FLNB: variants seen among roughly 807,000 people sequenced by gnomAD.
FLNB encodes the protein filamin-B.
A neutral mutation model predicts 250.6 loss-of-function variants in FLNB; 111 were observed. That is an observed-to-expected ratio of 0.44 (90% CI 0.38 to 0.52). The LOEUF is 0.52. Among genes scored for constraint, FLNB ranks in the 20% least tolerant of loss-of-function variants. The pLI, the probability that FLNB is intolerant of heterozygous loss-of-function variation, is 0.00. For synonymous variants in FLNB, 1,302 were observed against 1,372.1 expected (o/e 0.95, Z 1.13); for missense variants, 2,869 against 3,447.8 (o/e 0.83, Z 4.20).
intron 16 of FLNB, 97 bp downstream of exon 16, chr3:58,110,267 G>T (rs1021837436): frequency 7.6e-5 from 99 of 1,297,150 alleles, no homozygotes; most frequent in Non-Finnish European, 1.1e-4. Context: ...TGTTTTGTTA[G>T]TATTATTATT....
At chr3:58,013,800 G>A (rs2097102228) in intron 1 of FLNB, among the ~76,000 whole-genome samples, 1 of 152,218 alleles carries the variant, frequency 6.6e-6, no homozygotes, top group Non-Finnish European at 1.5e-5. Flanking sequence ...TCCAGCTTGG[G>A]CAACAGGAGC....
intron 28 of FLNB, among the ~76,000 whole-genome samples, chr3:58,137,546 C>T (rs2097318485): frequency 1.3e-5 from 2 of 152,218 alleles, no homozygotes; most frequent in African/African-American, 2.4e-5. Flanking sequence ...CTGTTCTTGC[C>T]ACCCTCCCTA....
In FLNB at chr3:58,028,155, G is replaced by T. The variant is rs185429337; in HGVS notation, c.292+19299G>T. Among the ~76,000 whole-genome samples the T allele has an allele frequency of 2.6e-5, 4 of 152,248 alleles. No homozygotes were observed. The East Asian group carries it at 7.7e-4, about 29-fold the overall frequency. ...TAGTAATGTATAGATGCTTTGTTTG[G>T]ATACTTATGCAGCCATTACCATGTG... is the stretch of plus-strand genomic sequence containing the variant. On this transcript the variant is annotated intron_variant, in intron 1 of 45. Transcript: ENST00000295956.
chr3:58,079,809 C>T (rs913320057), intron 3 of FLNB, among the ~76,000 whole-genome samples: 3 of 152,132 alleles, frequency 2.0e-5, no homozygotes, highest in African/African-American at 7.2e-5. Context: ...CAAAGGCTAG[C>T]CAGGGAAGAT....
chr3:58,118,931 T>A lies in FLNB; in HGVS notation c.2805T>A (p.Thr935=), dbSNP rs1262988625. 7 of 1,614,012 alleles carry A rather than the reference T, an allele frequency of 4.3e-6. No homozygotes were observed. The highest frequency in any genetic ancestry group is 5.1e-6 in the Non-Finnish European group (6 of 1,180,006). Reference sequence around the variant, plus strand: ...ATCCCATCCCTAAAAGCCCTTTCACTGTGGGTGTTGCTGCACCGCTGGATC... The same window carrying A: ...ATCCCATCCCTAAAAGCCCTTTCACAGTGGGTGTTGCTGCACCGCTGGATC... The part of the protein sequence containing the change: ...GGDPIPKSPF[T]VGVAAPLDLS... Residue 935 remains threonine (T), a synonymous_variant, in exon 19 of 46, where the codon ACT becomes ACA. Coordinates refer to ENST00000295956, the MANE Select transcript of FLNB (RefSeq NM_001457.4).
At chr3:58,020,051 GT>G (rs2097111477) in intron 1 of FLNB, among the ~76,000 whole-genome samples, 56 of 31,114 alleles carry the variant, frequency 1.8e-3, no homozygotes, top group African/African-American at 7.8e-3. Flanking sequence ...CCACAGGGGT[GT>G]GTGTGTGTGT....
chr3:58,061,960 G>A (rs1421454631), intron 1 of FLNB, among the ~76,000 whole-genome samples: 1 of 151,552 alleles, frequency 6.6e-6, no homozygotes, highest in East Asian at 1.9e-4. Context: ...GCATGATGGG[G>A]GGCGCCTGTA....
chr3:58,167,624 TAGGGGATCTG>T (rs897859359), intron 43 of FLNB, among the ~76,000 whole-genome samples: 1 of 152,174 alleles, frequency 6.6e-6, no homozygotes, highest in Non-Finnish European at 1.5e-5. Context: ...GGGCTGCAGT[TAGGGGATCTG>T]AGGCAGCTCC....
At chr3:58,138,621 C>T (rs1225376593) in intron 29 of FLNB, 92 bp downstream of exon 29, 7 of 1,525,060 alleles carry the variant, frequency 4.6e-6, no homozygotes, top group East Asian at 2.2e-5. Context: ...ATCCTCTTCA[C>T]CTTTTTTTTC....
intron 1 of FLNB, among the ~76,000 whole-genome samples, chr3:58,026,921 C>T (rs953709902): frequency 1.3e-5 from 2 of 152,126 alleles, no homozygotes; most frequent in African/African-American, 2.4e-5. Flanking sequence ...GGAAGAAATT[C>T]GTCAGCCTGG....
chr3:58,060,394 C>T (rs561453110), intron 1 of FLNB, among the ~76,000 whole-genome samples: 43 of 146,670 alleles, frequency 2.9e-4, no homozygotes, highest in African/African-American at 1.1e-3. Context: ...CGCTCTGTTG[C>T]CCAGACTGGA....
intron 32 of FLNB, 25 bp downstream of exon 32, chr3:58,143,638 A>G (rs754258562): frequency 1.2e-6 from 2 of 1,613,168 alleles, no homozygotes; most frequent in Non-Finnish European, 1.7e-6. Context: ...CAGGCCCAGC[A>G]GGGCTCCACC....
Position 58,156,049 on chromosome 3 carries a change from C to A in FLNB, c.6862C>A (p.Arg2288Ser). ...VPVIAPSDDA[R>S]RLTVMSLQES... is the part of the protein sequence containing the mutation. The stretch of plus-strand genomic sequence containing the variant: ...GGTCATCGCACCCTCCGACGACGCC[C>A]GCCGCCTCACTGTTATGAGCCTTCA... The change falls in exon 41 of 46, where the codon CGC (arginine) becomes AGC (serine). Residue 2288 changes from arginine to serine, a missense_variant. Physicochemically the swap from Arg to Ser is moderately radical, Grantham distance 110 (BLOSUM62 -1). Around this residue, in one of 5 missense-constraint regions of FLNB, gnomAD observed 1,084 missense variants for 1,315.5 expected, o/e 0.82. Coordinates refer to ENST00000295956, the MANE Select transcript of FLNB (RefSeq NM_001457.4). 1 of 1,614,048 alleles carries A rather than the reference C, an allele frequency of 6.2e-7. No individual in the cohort carries two copies.
At chr3:58,028,574 T>C (rs760110417) in intron 1 of FLNB, among the ~76,000 whole-genome samples, 2 of 150,770 alleles carry the variant, frequency 1.3e-5, no homozygotes, top group South Asian at 2.1e-4. Flanking sequence ...CTGGGCAACA[T>C]GGGAGACCTT....
chr3:58,110,097 A>T lies in FLNB; in HGVS notation c.2411A>T (p.Asn804Ile). 6.2e-7 allele frequency: 1 copy of T among 1,614,202 alleles called. No homozygotes were observed. The highest frequency in any genetic ancestry group is 1.1e-5 in the South Asian group (1 of 91,084). The change falls in exon 16 of 46, where the codon AAT (asparagine) becomes ATT (isoleucine). Residue 804 changes from asparagine (N) to isoleucine (I), a missense_variant. By Grantham distance (149) the Asn-to-Ile change is moderately radical. Around this residue, in one of 5 missense-constraint regions of FLNB, gnomAD observed 1,348 missense variants for 1,466.7 expected, o/e 0.92. Coordinates refer to ENST00000295956, the MANE Select transcript of FLNB (RefSeq NM_001457.4). ...GATTTTGACATTATTCACAATGCCAATGATACGTTCACAGTCAAATATGTG... is the reference window on the plus strand; with the variant it reads ...GATTTTGACATTATTCACAATGCCATTGATACGTTCACAGTCAAATATGTG... ...DVDFDIIHNA[N>I]DTFTVKYVPP... is the part of the protein sequence containing the mutation.
At chr3:58,086,036 C>T (rs185542868) in intron 4 of FLNB, among the ~76,000 whole-genome samples, 1 of 152,146 alleles carries the variant, frequency 6.6e-6, no homozygotes, top group Non-Finnish European at 1.5e-5. Flanking sequence ...CTCTCTCTCT[C>T]TGTGTGTGGA....
In FLNB at chr3:58,072,109, T is replaced by TAAACA. The variant is rs569329323; in HGVS notation, c.293-4931_293-4927dup. ...TATTAAAAAGAAAAGAAAACAAAAC[T>TAAACA]AAACAAAACACACCCACCCTGCTCA... is the stretch of plus-strand genomic sequence containing the variant. On this transcript the variant is annotated intron_variant, in intron 1 of 45. Transcript: ENST00000295956. Among the ~76,000 whole-genome samples the TAAACA allele has an allele frequency of 1.5e-3, 228 of 152,260 alleles. 2 individuals are homozygous for TAAACA. The highest frequency in any genetic ancestry group is 9.6e-3 in the East Asian group (50 of 5,182).
chr3:58,088,772 C>A (rs1283113223), intron 4 of FLNB, among the ~76,000 whole-genome samples: 3 of 152,210 alleles, frequency 2.0e-5, no homozygotes, highest in Non-Finnish European at 1.5e-5. Context: ...AACTATGCAG[C>A]CCCACACTTA....
intron 1 of FLNB, among the ~76,000 whole-genome samples, chr3:58,025,509 A>G (rs747641935): frequency 2.0e-5 from 3 of 152,050 alleles, no homozygotes; most frequent in African/African-American, 4.8e-5. Flanking sequence ...CAGCAGCGGC[A>G]GTAAGGTCCT....
Sources: allele counts gnomAD v4.1 joint callset (sites outside exome capture counted in the v4.1 genomes callset), GRCh38; gene constraint gnomAD v4.1.1; regional missense constraint gnomAD v4.1.1; transcripts MANE v1.5; gene names NCBI Gene and HGNC (gene_info 2026-07-23, HGNC 2026-07-21).